Variants in PHTF2 observed in about 807,000 individuals in gnomAD.
PHTF2 encodes the protein putative homeodomain transcription factor 2.
Under a neutral mutation model 101.2 loss-of-function variants are expected in PHTF2, and 60 were observed. The observed-to-expected ratio is 0.59, with a 90% CI of 0.48 to 0.73. The LOEUF (loss-of-function observed/expected upper bound fraction) is 0.73, where lower values mean the gene tolerates loss of function less well. PHTF2 is among the 30% of genes least tolerant of loss of function. The probability of loss-of-function intolerance (pLI) is 0.00; values close to 1 mark genes in which losing one functional copy is unlikely to be tolerated. For synonymous variants in PHTF2, 311 were observed against 307.3 expected (o/e 1.01, Z -0.13); for missense variants, 747 against 908.7 (o/e 0.82, Z 2.29).
chr7:77,871,610 A>G (rs927943044), intron 3 of PHTF2, among the ~76,000 whole-genome samples: 3 of 152,302 alleles, frequency 2.0e-5, no homozygotes, highest in African/African-American at 7.2e-5. Context: ...AATCCTGGCT[A>G]TTGGAGAAAC....
chr7:77,824,829 T>G (rs1794581912), intron 1 of PHTF2, among the ~76,000 whole-genome samples: 1 of 150,964 alleles, frequency 6.6e-6, no homozygotes, highest in South Asian at 2.1e-4. Flanking sequence ...GACCAGGAGT[T>G]CAAGGCCAGC....
chr7:77,905,645 A>G (rs969222237), intron 7 of PHTF2, among the ~76,000 whole-genome samples: 1 of 151,790 alleles, frequency 6.6e-6, no homozygotes, highest in African/African-American at 2.4e-5. Flanking sequence ...ACAGGCATGC[A>G]CTGCCATTCC....
exon 14 of PHTF2, chr7:77,940,252 G>T: frequency 6.2e-7 from 1 of 1,613,648 alleles, no homozygotes; most frequent in Non-Finnish European, 8.5e-7. Context: ...CGTGTCTCTT[G>T]TGTGGATTTT....
chr7:77,844,142 C>G (rs1408764286), intron 2 of PHTF2, among the ~76,000 whole-genome samples: 1 of 152,136 alleles, frequency 6.6e-6, no homozygotes, highest in Non-Finnish European at 1.5e-5. Context: ...GAACTACAGG[C>G]TCATGCCACC....
At chr7:77,911,512 G>C (rs1201641412) in intron 9 of PHTF2, among the ~76,000 whole-genome samples, 1 of 152,134 alleles carries the variant, frequency 6.6e-6, no homozygotes, top group Admixed American at 6.5e-5. Flanking sequence ...AAAATATTGA[G>C]TGTAACTGAT....
In PHTF2 at chr7:77,907,494, C is replaced by A. The variant is rs140903603; in HGVS notation, c.446-1299C>A. On this transcript the variant is annotated intron_variant, in intron 7 of 19. Coordinates refer to ENST00000416283, the Ensembl canonical transcript of PHTF2. ...TATCATAAAAGCTAAACAAAAAAAA[C>A]CCAGGAAACTAGATAGAATAGTACA... 6.7e-3 allele frequency among the ~76,000 whole-genome samples: 1,016 copies of A among 152,082 alleles called. 13 individuals carry two copies. The highest frequency in any genetic ancestry group is 0.024 in the African/African-American group (979 of 41,466).
chr7:77,824,635 T>G (rs1794568420), intron 1 of PHTF2, among the ~76,000 whole-genome samples: 1 of 152,196 alleles, frequency 6.6e-6, no homozygotes, highest in African/African-American at 2.4e-5. Flanking sequence ...ATGGCCAGGC[T>G]GGTCTTGAAC....
chr7:77,836,422 A>C (rs974364125), intron 1 of PHTF2, among the ~76,000 whole-genome samples: 2 of 152,178 alleles, frequency 1.3e-5, no homozygotes, highest in Non-Finnish European at 2.9e-5. Context: ...GATTCCGTAA[A>C]GGCAGACTTA....
intron 1 of PHTF2, among the ~76,000 whole-genome samples, chr7:77,809,427 A>G (rs1265803365): frequency 6.6e-6 from 1 of 151,964 alleles, no homozygotes. Flanking sequence ...GGGTTTCACC[A>G]TGTTGACCAG....
chr7:77,835,740 A>T (rs950862755), intron 1 of PHTF2, among the ~76,000 whole-genome samples: 3 of 152,198 alleles, frequency 2.0e-5, no homozygotes, highest in Admixed American at 1.3e-4. Flanking sequence ...ACATAAACAG[A>T]TAACACATAT....
At chr7:77,937,075 A>T (rs920715808) in intron 12 of PHTF2, among the ~76,000 whole-genome samples, 1 of 143,984 alleles carries the variant, frequency 6.9e-6, no homozygotes, top group East Asian at 2.0e-4. Flanking sequence ...TATTTGCTTT[A>T]TCTGGAAAAA....
chr7:77,913,142 C>CT (rs764044923), intron 9 of PHTF2, among the ~76,000 whole-genome samples: 1 of 152,030 alleles, frequency 6.6e-6, no homozygotes, highest in African/African-American at 2.4e-5. Context: ...AATCCCAGCA[C>CT]TTTATGAGGC....
At chr7:77,846,142 C>CT (rs1324268772) in intron 2 of PHTF2, among the ~76,000 whole-genome samples, 2 of 152,088 alleles carry the variant, frequency 1.3e-5, no homozygotes, top group Admixed American at 6.5e-5. Context: ...TATTCCTGAC[C>CT]TTTTTTCCTG....
intron 2 of PHTF2, among the ~76,000 whole-genome samples, chr7:77,843,590 A>AT (rs1410041646): frequency 2.0e-5 from 3 of 152,246 alleles, no homozygotes; most frequent in Non-Finnish European, 4.4e-5. Context: ...TTTTAGAGGC[A>AT]TTTGTACTTC....
chr7:77,906,260 A>G (rs1195101123), intron 7 of PHTF2: 4 of 152,296 alleles, frequency 2.6e-5, no homozygotes, highest in African/African-American at 9.6e-5. Flanking sequence ...TGCTGAGATT[A>G]CAGGCAGGAG....
chr7:77,840,763 G>A (rs572054860), intron 2 of PHTF2, among the ~76,000 whole-genome samples: 6 of 152,000 alleles, frequency 3.9e-5, no homozygotes, highest in African/African-American at 9.6e-5. Context: ...TAGGATTGTC[G>A]TACCTACTTT....
chr7:77,920,225 A>ATAGAAATT lies in PHTF2; in HGVS notation c.777-54_777-53insTAGAAATT, dbSNP rs1803317757. The ATAGAAATT allele has an allele frequency of 4.4e-6, 4 of 911,990 alleles. No individual in the cohort carries two copies. The African/African-American group carries it at 6.7e-5, about 15-fold the overall frequency. 56.5% of individuals were successfully genotyped at this position (911,990 alleles called of 1,614,324 possible). On this transcript the variant is annotated intron_variant, in intron 9 of 19. Coordinates refer to ENST00000416283, the Ensembl canonical transcript of PHTF2. ...TAACAGATTATAATTTCTATCAGTA[A>ATAGAAATT]CCTATCCAAAATAAGCTAAGTCCAA...
intron 7 of PHTF2, among the ~76,000 whole-genome samples, chr7:77,904,881 C>A (rs925374192): frequency 6.6e-5 from 10 of 152,192 alleles, no homozygotes; most frequent in Non-Finnish European, 1.2e-4. Context: ...TCTCTTCTTT[C>A]CTGTAAACCA....
rs189786774 is a variant in PHTF2, at chr7:77,936,242, C to T, written c.1339-1468C>T. ...AGTTTACAAGAAACATTTTTTTTAC[C>T]ATATTTTAATCACATTTTTGTCCTC... On this transcript the variant is annotated intron_variant, in intron 12 of 19. Transcript: ENST00000416283. 3.0e-3 allele frequency among the ~76,000 whole-genome samples: 452 copies of T among 151,884 alleles called. 5 individuals are homozygous for T. The highest frequency in any genetic ancestry group is 0.019 in the Admixed American group (288 of 15,246).
Sources: gnomAD v4.1 joint callset for allele counts (sites outside exome capture counted in the v4.1 genomes callset) on GRCh38, gnomAD v4.1.1 for gene constraint, MANE v1.5 for transcripts, NCBI Gene and HGNC (gene_info 2026-07-23, HGNC 2026-07-21) for gene names.